Variants in ALPI observed in about 807,000 individuals in gnomAD.
The protein encoded by ALPI is intestinal-type alkaline phosphatase.
ALPI carries 50 observed loss-of-function variants against 51.5 expected under a neutral mutation model. The ratio of observed to expected loss-of-function variants is 0.97; its 90% CI spans 0.77 to 1.23. The LOEUF is 1.23. ALPI is among the 50% of genes most tolerant of loss of function. The pLI is 0.00. For missense variants in ALPI, 692 were observed against 722.4 expected, an observed-to-expected ratio of 0.96 and a Z score of 0.48; for synonymous variants, 322 against 308.2, an observed-to-expected ratio of 1.04 and a Z score of -0.47.
chr2:232,457,609 C>A lies in ALPI; in HGVS notation c.693C>A (p.Thr231=). 8.7e-6 allele frequency: 14 copies of A among 1,614,006 alleles called. No homozygotes were observed. The highest frequency in any genetic ancestry group is 1.2e-5 in the Non-Finnish European group (14 of 1,179,942). ...GCAAGTACATGTTTCCCATGGGGAC[C>A]CCAGACCCTGAGTACCCAGCTGATG... ...GGRKYMFPMG[T]PDPEYPADAS... Residue 231 remains threonine (T), a synonymous_variant, in exon 6 of 11, where the codon ACC becomes ACA. Transcript: ENST00000295463. The surrounding 1 kb of genome is among the most constrained non-coding windows in gnomAD (Gnocchi z 4.7).
rs181288577 is a variant in ALPI at position 232,460,474 on chromosome 2, C to T, written c.*1328C>T. 8.5e-5 allele frequency among the ~76,000 whole-genome samples: 13 copies of T among 152,268 alleles called. No homozygotes were observed. The highest frequency in any genetic ancestry group is 1.6e-4 in the Non-Finnish European group (11 of 68,000). ...GCTCAGGTGAAAGCTGGGGAAGGAG[C>T]TGACTCCAGGTGTTTCTGACCTCCC... is the stretch of plus-strand genomic sequence containing the variant. On this transcript the variant is annotated 3_prime_UTR_variant, in exon 11 of 11. Transcript: ENST00000295463.
Position 232,458,390 on chromosome 2 carries a change from C to T in ALPI, c.1165C>T (p.Arg389Ter), listed in dbSNP as rs138329965. The change falls in exon 9 of 11, where the codon CGA becomes TGA. Residue 389 changes from arginine to a stop codon, truncating the protein, a stop_gained. Coordinates refer to ENST00000295463, the MANE Select transcript of ALPI (RefSeq NM_001631.5). LOFTEE classifies it high-confidence loss of function. ...CTTCTCCTTTGGTGGCTACACCTTG[C>T]GAGGGAGCTCCATCTTCGGTAGGCC... Reference protein sequence around the residue: ...HVFSFGGYTLRGSSIFGLAPS... With the variant: ...HVFSFGGYTL The T allele has an allele frequency of 4.3e-6, 7 of 1,613,254 alleles. No individual in the cohort carries two copies. The African/African-American group carries it at 6.7e-5, about 15-fold the overall frequency.
Position 232,456,291 on chromosome 2 carries a change from C to T in ALPI, c.67+25C>T. 1 of 1,614,156 alleles carries T rather than the reference C, an allele frequency of 6.2e-7. No homozygotes were observed. On this transcript the variant is annotated intron_variant, in intron 1 of 10. Coordinates refer to ENST00000295463, the MANE Select transcript of ALPI (RefSeq NM_001631.5). This position sits in a 1 kb window ranked among gnomAD's most constrained non-coding sequence, Gnocchi z 4.2. ...GGTAATGAGGCTCCCCAAGCTGTTC[C>T]ACACACAGGGCACCCCCTCAGCCAG...
In ALPI at chr2:232,456,225, T is replaced by C. The variant is rs778400731; in HGVS notation, c.26T>C (p.Leu9Pro). MQGPWVLL[L>P]LGLRLQLSLG... ...ATGCAGGGGCCCTGGGTGCTGCTGC[T>C]GCTGGGCCTGAGGCTACAGCTCTCC... Residue 9 changes from leucine to proline, a missense_variant, in exon 1 of 11, where the codon CTG (leucine) becomes CCG (proline). Transcript: ENST00000295463. The surrounding 1 kb of genome is among the most constrained non-coding windows in gnomAD (Gnocchi z 4.2). The C allele has an allele frequency of 3.0e-5, 49 of 1,613,888 alleles. No homozygotes were observed. In the East Asian group the frequency reaches 1.0e-3, roughly 33 times the overall value.
rs1359169246 is a variant in ALPI at position 232,457,457 on chromosome 2, G to C, written c.649-108G>C. On this transcript the variant is annotated intron_variant, in intron 5 of 10. Transcript: ENST00000295463. This position sits in a 1 kb window ranked among gnomAD's most constrained non-coding sequence, Gnocchi z 4.7. ...TGGGGATGTAGAATGTGCAATACAGGCTGGGCCATTCCCACAGCCCTGGGG... is the reference window on the plus strand; with the variant it reads ...TGGGGATGTAGAATGTGCAATACAGCCTGGGCCATTCCCACAGCCCTGGGG... 12 of 1,545,320 alleles carry C rather than the reference G, an allele frequency of 7.8e-6. No homozygotes were observed. The East Asian group carries it at 9.0e-5, about 12-fold the overall frequency.
In ALPI at chr2:232,456,962, G is replaced by A; in HGVS notation, c.364G>A (p.Val122Ile). 6.2e-7 allele frequency: 1 copy of A among 1,613,772 alleles called. No homozygotes were observed. Among genetic ancestry groups the A allele is most frequent in the Non-Finnish European group, 8.5e-7 (1 of 1,180,032 alleles). ...CACAGCCACGGCCTACCTGTGCGGG[G>A]TCAAGGCCAACTTCCAGACCATCGG... ...AATATAYLCGVKANFQTIGLS... is the reference protein window; with the variant it reads ...AATATAYLCGIKANFQTIGLS... The change falls in exon 4 of 11, where the codon GTC (valine) becomes ATC (isoleucine). Residue 122 changes from valine (V) to isoleucine (I), a missense_variant. By Grantham distance (29) the Val-to-Ile change is conservative. Transcript: ENST00000295463. This position sits in a 1 kb window ranked among gnomAD's most constrained non-coding sequence, Gnocchi z 4.2.
rs1481940759 is a variant in ALPI, at chr2:232,457,488, A to G, written c.649-77A>G. ...CCATTCCCACAGCCCTGGGGAGGGG[A>G]GCCAGGGGCTATGCATGAGGAGGGG... On this transcript the variant is annotated intron_variant, in intron 5 of 10. Coordinates refer to ENST00000295463, the MANE Select transcript of ALPI (RefSeq NM_001631.5). The surrounding 1 kb of genome is among the most constrained non-coding windows in gnomAD (Gnocchi z 4.7). 2 of 1,546,268 alleles carry G rather than the reference A, an allele frequency of 1.3e-6. No individual in the cohort carries two copies. Among genetic ancestry groups the G allele is most frequent in the Non-Finnish European group, 8.7e-7 (1 of 1,147,714 alleles).
chr2:232,456,684 G>A lies in ALPI; in HGVS notation c.289G>A (p.Ala97Thr), dbSNP rs201896655. The change falls in exon 3 of 11, where the codon GCT becomes ACT. Residue 97 changes from alanine to threonine, a missense_variant. Transcript: ENST00000295463. This position sits in a 1 kb window ranked among gnomAD's most constrained non-coding sequence, Gnocchi z 4.2. ...PLAMDRFPYL[A>T]LSKTYNVDRQ... ...GGCCATGGACCGCTTCCCATACCTG[G>A]CTCTGTCCAAGGTAAGGGCTGGGCC... 1.8e-4 allele frequency: 287 copies of A among 1,603,782 alleles called. No individual in the cohort carries two copies. Among genetic ancestry groups the A allele is most frequent in the Middle Eastern group, 6.6e-4 (4 of 6,072 alleles).
rs775212105 is a variant in ALPI, at chr2:232,457,779, G to A, written c.784-16G>A. On this transcript the variant is annotated splice_polypyrimidine_tract_variant and intron_variant, in intron 6 of 10. Transcript: ENST00000295463. This position sits in a 1 kb window ranked among gnomAD's most constrained non-coding sequence, Gnocchi z 4.7. ...GTCTCAGGGCTGTGGGCTGAAGCCTGGCTCTGTCCCTGCAGGGTGCCTGGT... is the reference window on the plus strand; with the variant it reads ...GTCTCAGGGCTGTGGGCTGAAGCCTAGCTCTGTCCCTGCAGGGTGCCTGGT... 1 of 1,613,744 alleles carries A rather than the reference G, an allele frequency of 6.2e-7. No individual in the cohort carries two copies. The highest frequency in any genetic ancestry group is 8.5e-7 in the Non-Finnish European group (1 of 1,179,802).
At position 232,460,267 on chromosome 2, in the gene ALPI, T is replaced by C. The variant is rs1175352511; in HGVS notation, c.*1121T>C. Among the ~76,000 whole-genome samples, 5 of 57,604 alleles carry C rather than the reference T, an allele frequency of 8.7e-5. No individual in the cohort carries two copies. The highest frequency in any genetic ancestry group is 2.2e-4 in the African/African-American group (3 of 13,834). The allele number at this position is 57,604 out of a possible 152,430, so 37.8% of individuals were successfully genotyped here. On this transcript the variant is annotated 3_prime_UTR_variant, in exon 11 of 11. Coordinates refer to ENST00000295463, the MANE Select transcript of ALPI (RefSeq NM_001631.5). ...GAGGGGTGGGGGTGGGTGGGCAGAGTGGGGAAAGCCTGAGGGGTCAGGAGA... is the reference window on the plus strand; with the variant it reads ...GAGGGGTGGGGGTGGGTGGGCAGAGCGGGGAAAGCCTGAGGGGTCAGGAGA...
rs779532144 is a variant in ALPI, at chr2:232,457,088, G to A, written c.475+15G>A. ...CAAGCAAGCAGGTGAGCTGGGGCCC[G>A]CTGTGGGGTCAGGACCAGGCCCAAG... On this transcript the variant is annotated intron_variant, in intron 4 of 10. Transcript: ENST00000295463. The surrounding 1 kb of genome is among the most constrained non-coding windows in gnomAD (Gnocchi z 4.7). 9.9e-6 allele frequency: 16 copies of A among 1,613,144 alleles called. No homozygotes were observed. Among genetic ancestry groups the A allele is most frequent in the African/African-American group, 4.0e-5 (3 of 74,936 alleles).
rs1208591366 is a variant in ALPI, at chr2:232,458,263, A to G, written c.1038A>G (p.Ala346=). The part of the protein sequence containing the change: ...HGHHEGVAYQ[A]LTEAVMFDDA... ...ATCATGAGGGTGTGGCTTACCAGGC[A>G]CTCACTGAGGCGGTCATGTTCGACG... The change falls in exon 9 of 11, where the codon GCA becomes GCG. Residue 346 remains alanine (A), a synonymous_variant. Coordinates refer to ENST00000295463, the MANE Select transcript of ALPI (RefSeq NM_001631.5). 1 of 1,614,040 alleles carries G rather than the reference A, an allele frequency of 6.2e-7. No individual in the cohort carries two copies. The highest frequency in any genetic ancestry group is 1.3e-5 in the African/African-American group (1 of 75,006).
Position 232,457,191 on chromosome 2 carries a change from G to A in ALPI, c.517G>A (p.Ala173Thr), listed in dbSNP as rs372014965. 46 of 1,613,340 alleles carry A rather than the reference G, an allele frequency of 2.9e-5. No individual in the cohort carries two copies. The highest frequency in any genetic ancestry group is 3.6e-5 in the Non-Finnish European group (43 of 1,180,046). Reference protein sequence around the residue: ...GVVTTTRVQHASPAGTYAHTV... With the variant: ...GVVTTTRVQHTSPAGTYAHTV... ...GGTGACCACCACACGGGTGCAGCAC[G>A]CCTCGCCAGCCGGCACCTACGCACA... The change falls in exon 5 of 11, where the codon GCC (alanine) becomes ACC (threonine). Residue 173 changes from alanine (A) to threonine (T), a missense_variant. Ala to Thr is a moderately conservative substitution (Grantham distance 58). Transcript: ENST00000295463. The surrounding 1 kb of genome is among the most constrained non-coding windows in gnomAD (Gnocchi z 4.7).
chr2:232,458,161 A>T (rs760174191), intron 8 of ALPI, 29 bp downstream of exon 8: 1 of 1,613,608 alleles, frequency 6.2e-7, no homozygotes, highest in South Asian at 1.1e-5. Flanking sequence ...GGAGTGGAGG[A>T]AGGCGGGGCG....
rs1321366819 is a variant in ALPI, at chr2:232,456,169, C to T, written c.-31C>T. On this transcript the variant is annotated 5_prime_UTR_variant, in exon 1 of 11. Transcript: ENST00000295463. The surrounding 1 kb of genome is among the most constrained non-coding windows in gnomAD (Gnocchi z 4.2). ...CGCTGCAGCCGGTTCCTGGTGTCCC[C>T]ACTTCGCCTCCCTCCTGCTGCCCCC... The T allele has an allele frequency of 1.8e-5, 29 of 1,611,508 alleles. No homozygotes were observed. The highest frequency in any genetic ancestry group is 1.9e-5 in the Non-Finnish European group (23 of 1,179,592).
In ALPI at chr2:232,459,254, C is replaced by T. The variant is rs1215673896; in HGVS notation, c.*108C>T. The T allele has an allele frequency of 7.3e-7, 1 of 1,375,508 alleles. No individual in the cohort carries two copies. The highest frequency in any genetic ancestry group is 2.5e-5 in the East Asian group (1 of 39,806). 85.2% of individuals were successfully genotyped at this position (1,375,508 alleles called of 1,614,324 possible). On this transcript the variant is annotated 3_prime_UTR_variant, in exon 11 of 11. Transcript: ENST00000295463. ...CACACACAGGTGTCCTGCCGTTGGA[C>T]CTTCACCTCCTAGAGATAAACCAGC...
At position 232,459,830 on chromosome 2, in the gene ALPI, C is replaced by T. The variant is rs1690279820; in HGVS notation, c.*684C>T. ...TCACAGCCACTCAGATGCTTCCTGC[C>T]CCCCAGTGCCCATTCCAGGTCACCA... On this transcript the variant is annotated 3_prime_UTR_variant, in exon 11 of 11. Transcript: ENST00000295463. 1 of 152,530 alleles carries T rather than the reference C, an allele frequency of 6.6e-6. No individual in the cohort carries two copies. The highest frequency in any genetic ancestry group is 2.4e-5 in the African/African-American group (1 of 41,428). 9.4% of individuals were successfully genotyped at this position (152,530 alleles called of 1,614,324 possible).
rs781205092 is a variant in ALPI, at chr2:232,456,946, G to T, written c.348G>T (p.Thr116=). 5.6e-6 allele frequency: 9 copies of T among 1,613,706 alleles called. No individual in the cohort carries two copies. In the Middle Eastern group the frequency reaches 4.9e-4, roughly 89 times the overall value. ...RQVPDSAATA[T]AYLCGVKANF... is the part of the protein sequence containing the mutation. ...TGCCAGACAGCGCAGCCACAGCCACGGCCTACCTGTGCGGGGTCAAGGCCA... is the reference window on the plus strand; with the variant it reads ...TGCCAGACAGCGCAGCCACAGCCACTGCCTACCTGTGCGGGGTCAAGGCCA... The change falls in exon 4 of 11, where the codon ACG becomes ACT. Residue 116 remains threonine (T), a synonymous_variant. Transcript: ENST00000295463. This position sits in a 1 kb window ranked among gnomAD's most constrained non-coding sequence, Gnocchi z 4.2.
chr2:232,459,536 T>G lies in ALPI; in HGVS notation c.*390T>G. On this transcript the variant is annotated 3_prime_UTR_variant, in exon 11 of 11. Transcript: ENST00000295463. ...CCAAGCAGGCCTGGACCCAGAGACG[T>G]CCCCCATCGTGGGACACGACACACC... 1 of 205,172 alleles carries G rather than the reference T, an allele frequency of 4.9e-6. No homozygotes were observed. The highest frequency in any genetic ancestry group is 9.7e-6 in the Non-Finnish European group (1 of 102,826). 12.7% of individuals were successfully genotyped at this position (205,172 alleles called of 1,614,324 possible).
Sources: allele counts gnomAD v4.1 joint callset (sites outside exome capture counted in the v4.1 genomes callset), GRCh38; gene constraint gnomAD v4.1.1; non-coding constraint Gnocchi (gnomAD v3.1); transcripts MANE v1.5; gene names NCBI Gene and HGNC (gene_info 2026-07-23, HGNC 2026-07-21).